AFF3: variants seen among roughly 807,000 people sequenced by gnomAD.
AFF3 encodes ALF transcription elongation factor 3.
In AFF3, 32 loss-of-function variants were observed where a neutral mutation model predicts 129.7. The ratio of observed to expected loss-of-function variants is 0.25; its 90% CI spans 0.19 to 0.33. The LOEUF (loss-of-function observed/expected upper bound fraction) is 0.33, where lower values mean the gene tolerates loss of function less well. Ranked by LOEUF, AFF3 falls within the 10% of genes least tolerant of loss-of-function variation. The pLI is 1.00. For synonymous variants in AFF3, 644 were observed against 635.4 expected (o/e 1.01, Z -0.20); for missense variants, 1,373 against 1,592.0 (o/e 0.86, Z 2.34).
At chr2:99,651,506 A>G (rs1450948214) in intron 12 of AFF3, among the ~76,000 whole-genome samples, 1 of 151,378 alleles carries the variant, frequency 6.6e-6, no homozygotes, top group African/African-American at 2.4e-5. Context: ...TAGTGGCCTG[A>G]TTTCAGCTCA....
intron 7 of AFF3, among the ~76,000 whole-genome samples, chr2:99,845,782 A>G (rs991029828): frequency 1.3e-5 from 2 of 152,182 alleles, no homozygotes; most frequent in African/African-American, 4.8e-5. Context: ...TTGCAAATGT[A>G]CCATTTCCTC....
chr2:99,852,969 C>T (rs112971221), intron 7 of AFF3, among the ~76,000 whole-genome samples: 85 of 152,230 alleles, frequency 5.6e-4, no homozygotes, highest in African/African-American at 2.0e-3. Flanking sequence ...ATAGCTTTAT[C>T]GCAGCCATTT....
intron 4 of AFF3, among the ~76,000 whole-genome samples, chr2:100,011,734 G>T (rs1280180227): frequency 6.6e-6 from 1 of 152,132 alleles, no homozygotes; most frequent in African/African-American, 2.4e-5. Flanking sequence ...ACAAAGGAAG[G>T]GACAACAGTA....
chr2:100,103,726 C>CG (rs1356595706), intron 4 of AFF3, among the ~76,000 whole-genome samples: 10 of 151,850 alleles, frequency 6.6e-5, no homozygotes, highest in African/African-American at 2.2e-4. Context: ...CCGGGGCGCC[C>CG]GGGTGGGGTG....
intron 12 of AFF3, 142 bp downstream of exon 12, chr2:99,672,396 T>G: frequency 1.5e-6 from 1 of 686,052 alleles, no homozygotes; most frequent in African/African-American, 1.8e-5. Context: ...CTGACCCAAC[T>G]GCATAGAAGC....
chr2:99,573,957 C>T (rs1423484202), intron 18 of AFF3, among the ~76,000 whole-genome samples: 1 of 152,102 alleles, frequency 6.6e-6, no homozygotes, highest in Non-Finnish European at 1.5e-5. Context: ...AGGTGGTTTT[C>T]CAGCCAAGCA....
chr2:99,608,384 C>A (rs1680583428), intron 13 of AFF3, among the ~76,000 whole-genome samples: 1 of 152,220 alleles, frequency 6.6e-6, no homozygotes, highest in African/African-American at 2.4e-5. Flanking sequence ...TTCTCTATTG[C>A]AGCCCTTACC....
chr2:99,579,182 G>C (rs1677277854), intron 17 of AFF3, among the ~76,000 whole-genome samples: 1 of 151,972 alleles, frequency 6.6e-6, no homozygotes, highest in Admixed American at 6.6e-5. Flanking sequence ...GAGGCAGGGA[G>C]ATCACCTGAG....
chr2:99,976,149 C>T, intron 7 of AFF3, among the ~76,000 whole-genome samples: 1 of 152,042 alleles, frequency 6.6e-6, no homozygotes, highest in African/African-American at 2.4e-5. Flanking sequence ...GGTGGGAATA[C>T]TTCAGAAATG....
chr2:99,550,714 G>A lies in AFF3; in HGVS notation c.*760C>T, dbSNP rs903556136. The A allele has an allele frequency of 1.5e-4, 34 of 232,806 alleles. No homozygotes were observed. The highest frequency in any genetic ancestry group is 1.2e-4 in the Non-Finnish European group (14 of 117,888). 14.4% of individuals were successfully genotyped at this position (232,806 alleles called of 1,614,324 possible). On this transcript the variant is annotated 3_prime_UTR_variant, in exon 25 of 25. Transcript: ENST00000672756. ...GTGTCTGTTAACTTTCAAAGACGCC[G>A]CGTTTTTGCTAAATCTCAGTGCCAT...
At chr2:99,570,435 T>G (rs1676368664) in intron 18 of AFF3, among the ~76,000 whole-genome samples, 1 of 152,044 alleles carries the variant, frequency 6.6e-6, no homozygotes. Context: ...CACCTGGGGT[T>G]AAGCGACCCT....
rs1231351293 is a variant in AFF3, at chr2:99,694,069, C to T, written c.1092-21480G>A. ...AGTAGCTGGGATTACAGGCATGCAC[C>T]ACCACACTCGGCTAATTTTTGTATT... is the stretch of plus-strand genomic sequence containing the variant. On this transcript the variant is annotated intron_variant, in intron 11 of 24. Coordinates refer to ENST00000672756, the MANE Select transcript of AFF3 (RefSeq NM_001386135.1). 2.6e-5 allele frequency among the ~76,000 whole-genome samples: 4 copies of T among 152,210 alleles called. No homozygotes were observed. The East Asian group carries it at 7.7e-4, about 29-fold the overall frequency.
intron 7 of AFF3, among the ~76,000 whole-genome samples, chr2:99,917,363 G>A (rs1695542555): frequency 6.6e-6 from 1 of 152,142 alleles, no homozygotes; most frequent in Admixed American, 6.5e-5. Context: ...GGTTCCTACA[G>A]TGGACTTCCC....
intron 10 of AFF3, among the ~76,000 whole-genome samples, chr2:99,730,411 C>G (rs1398849483): frequency 1.3e-5 from 2 of 152,072 alleles, no homozygotes; most frequent in Non-Finnish European, 2.9e-5. Context: ...ATCTTACTTT[C>G]CATCAATAGT....
intron 7 of AFF3, among the ~76,000 whole-genome samples, chr2:99,986,224 A>ATAATAATAATAATAATAATAT (rs1679855657): frequency 6.8e-6 from 1 of 147,742 alleles, no homozygotes; most frequent in Admixed American, 6.8e-5. Context: ...AATAATAATA[A>ATAATAATAATAATAATAATAT]TAATAATAAT....
Position 99,713,693 on chromosome 2 carries a change from A to G in AFF3, c.1091+13384T>C, listed in dbSNP as rs181105266. Among the ~76,000 whole-genome samples the G allele has an allele frequency of 5.2e-3, 788 of 151,874 alleles. 7 individuals carry two copies. The highest frequency in any genetic ancestry group is 0.017 in the African/African-American group (724 of 41,422). On this transcript the variant is annotated intron_variant, in intron 11 of 24. Coordinates refer to ENST00000672756, the MANE Select transcript of AFF3 (RefSeq NM_001386135.1). The stretch of plus-strand genomic sequence containing the variant: ...AATTAAACAGGAGACAGGGGAATAT[A>G]GACTCCCTATTTTTTTTTTTTCTAG...
At chr2:100,011,628 G>A (rs376382490) in intron 4 of AFF3, 13 of 778,134 alleles carry the variant, frequency 1.7e-5, no homozygotes, top group Admixed American at 3.4e-5. Context: ...GATTAGCCTT[G>A]AGTATCTTAG....
chr2:99,568,962 C>T (rs746674250), intron 18 of AFF3, 47 bp from the exon 19 acceptor site: 25 of 1,534,766 alleles, frequency 1.6e-5, no homozygotes, highest in Admixed American at 6.7e-5. Context: ...TTAAGTGCAA[C>T]GTCTTTTTAA....
intron 8 of AFF3, among the ~76,000 whole-genome samples, chr2:99,835,172 G>A (rs963988657): frequency 7.9e-5 from 12 of 152,020 alleles, no homozygotes; most frequent in African/African-American, 2.7e-4. Flanking sequence ...TCCTTTTCCC[G>A]GTGGATCCCT....
Sources: gnomAD v4.1 joint callset for allele counts (sites outside exome capture counted in the v4.1 genomes callset) on GRCh38, gnomAD v4.1.1 for gene constraint, MANE v1.5 for transcripts, NCBI Gene and HGNC (gene_info 2026-07-23, HGNC 2026-07-21) for gene names.